DAPK1: variants seen among roughly 807,000 people sequenced by gnomAD.
DAPK1 encodes death associated protein kinase 1.
A neutral mutation model predicts 144.9 loss-of-function variants in DAPK1; 56 were observed. The ratio of observed to expected loss-of-function variants is 0.39; its 90% CI spans 0.31 to 0.48. The LOEUF is 0.48. Ranked by LOEUF, DAPK1 falls within the 20% of genes least tolerant of loss-of-function variation. DAPK1 has a pLI of 0.95. For synonymous variants in DAPK1, 690 were observed against 749.0 expected (o/e 0.92, Z 1.29); for missense variants, 1,454 against 1,875.4 (o/e 0.78, Z 4.15).
At chr9:87,635,257 G>A (rs974759771) in intron 3 of DAPK1, among the ~76,000 whole-genome samples, 7 of 152,094 alleles carry the variant, frequency 4.6e-5, no homozygotes, top group Admixed American at 4.6e-4. Context: ...TGGAGTCCCT[G>A]GAAAGGACTC....
chr9:87,622,635 G>GT (rs1203824711), intron 3 of DAPK1, among the ~76,000 whole-genome samples: 1 of 152,136 alleles, frequency 6.6e-6, no homozygotes, highest in Non-Finnish European at 1.5e-5. Context: ...AATAGGCTGG[G>GT]TGCTGTAGCT....
intron 3 of DAPK1, among the ~76,000 whole-genome samples, chr9:87,637,639 G>T (rs1425320059): frequency 6.6e-6 from 1 of 152,124 alleles, no homozygotes; most frequent in East Asian, 1.9e-4. Context: ...CTCTAAGTAT[G>T]TTTAATTAAA....
At chr9:87,546,573 C>T (rs1587706005) in intron 2 of DAPK1, among the ~76,000 whole-genome samples, 2 of 152,070 alleles carry the variant, frequency 1.3e-5, no homozygotes, top group South Asian at 4.2e-4. Flanking sequence ...GGCAGTGCCT[C>T]CAGGGTCAAC....
intron 17 of DAPK1, 86 bp from the exon 18 acceptor site, chr9:87,657,943 C>G (rs538871587): frequency 1.8e-4 from 130 of 719,040 alleles, no homozygotes; most frequent in Non-Finnish European, 3.1e-4. Context: ...GGGCCCTGAC[C>G]CCTTCCTTAA....
intron 20 of DAPK1, among the ~76,000 whole-genome samples, chr9:87,684,742 A>G (rs1824778977): frequency 6.6e-6 from 1 of 151,868 alleles, no homozygotes; most frequent in African/African-American, 2.4e-5. Context: ...GTGACCAGGT[A>G]AAGTGGGTCT....
At chr9:87,695,302 T>A (rs1287534617) in intron 21 of DAPK1, among the ~76,000 whole-genome samples, 2 of 152,150 alleles carry the variant, frequency 1.3e-5, no homozygotes, top group Non-Finnish European at 2.9e-5. Flanking sequence ...TCAGAGTGCA[T>A]CTTGACTGCA....
intron 19 of DAPK1, among the ~76,000 whole-genome samples, chr9:87,676,292 A>G (rs1185281398): frequency 6.6e-6 from 1 of 152,198 alleles, no homozygotes; most frequent in East Asian, 1.9e-4. Flanking sequence ...CAAATAAATC[A>G]GTCTTCCTAG....
intron 3 of DAPK1, among the ~76,000 whole-genome samples, chr9:87,627,876 T>C (rs1417575594): frequency 6.6e-6 from 1 of 152,196 alleles, no homozygotes; most frequent in African/African-American, 2.4e-5. Context: ...TATTGCACCG[T>C]TGCCATGTGC....
chr9:87,600,912 G>A (rs1828493738), intron 2 of DAPK1, among the ~76,000 whole-genome samples: 1 of 152,216 alleles, frequency 6.6e-6, no homozygotes, highest in Admixed American at 6.5e-5. Context: ...CATTCGCTTT[G>A]CTCCCTGGTC....
chr9:87,546,898 T>A (rs1826271201), intron 2 of DAPK1, among the ~76,000 whole-genome samples: 1 of 152,106 alleles, frequency 6.6e-6, no homozygotes, highest in Non-Finnish European at 1.5e-5. Flanking sequence ...GACTCATGCC[T>A]GTAGTCCCAG....
At position 87,498,109 on chromosome 9, in the gene DAPK1, T is replaced by TC; in HGVS notation, c.-109+2_-109+3insC. The TC allele has an allele frequency of 2.5e-6, 1 of 393,862 alleles. No individual in the cohort carries two copies. 24.4% of individuals were successfully genotyped at this position (393,862 alleles called of 1,614,324 possible). On this transcript the variant is annotated splice_region_variant and intron_variant, in intron 1 of 25. Transcript: ENST00000408954. ...CCGGGGGAGCTCCCAGGCGCCCGGG[T>TC]GAGTAGCCAGGCGCGGCTCCCCGGT...
At chr9:87,614,587 C>T (rs1170644323) in intron 3 of DAPK1, among the ~76,000 whole-genome samples, 2 of 152,140 alleles carry the variant, frequency 1.3e-5, no homozygotes, top group Non-Finnish European at 2.9e-5. Context: ...TCTTCTTCTT[C>T]CTGTTTTGGC....
chr9:87,596,129 T>C (rs1191684055), intron 2 of DAPK1, among the ~76,000 whole-genome samples: 1 of 152,146 alleles, frequency 6.6e-6, no homozygotes, highest in Non-Finnish European at 1.5e-5. Flanking sequence ...AGTACTGAGT[T>C]CCCATACAGG....
intron 23 of DAPK1, among the ~76,000 whole-genome samples, chr9:87,699,291 T>C (rs898763426): frequency 6.6e-6 from 1 of 152,192 alleles, no homozygotes; most frequent in South Asian, 2.1e-4. Flanking sequence ...GTGACTTCTT[T>C]TAGCTGTTTA....
At chr9:87,623,701 A>G (rs968965377) in intron 3 of DAPK1, among the ~76,000 whole-genome samples, 4 of 152,070 alleles carry the variant, frequency 2.6e-5, no homozygotes, top group Non-Finnish European at 5.9e-5. Flanking sequence ...TGGGTTCCTG[A>G]GAGGAAGGGA....
intron 2 of DAPK1, among the ~76,000 whole-genome samples, chr9:87,508,000 T>C (rs1824672867): frequency 6.6e-6 from 1 of 152,224 alleles, no homozygotes; most frequent in African/African-American, 2.4e-5. Context: ...GCTTTTACTT[T>C]TGAAACTGTA....
chr9:87,649,280 C>T (rs968523988), intron 15 of DAPK1, among the ~76,000 whole-genome samples: 1 of 152,188 alleles, frequency 6.6e-6, no homozygotes, highest in Admixed American at 6.5e-5. Context: ...TAACCACCGC[C>T]GCACTAGGAT....
intron 2 of DAPK1, among the ~76,000 whole-genome samples, chr9:87,547,806 TCCCA>T (rs1247194088): frequency 2.6e-5 from 4 of 152,108 alleles, no homozygotes; most frequent in Non-Finnish European, 5.9e-5. Flanking sequence ...GATAGGATGA[TCCCA>T]CCCACCCCTA....
chr9:87,606,248 C>A (rs1030407331), intron 3 of DAPK1, among the ~76,000 whole-genome samples: 1 of 152,162 alleles, frequency 6.6e-6, no homozygotes, highest in Non-Finnish European at 1.5e-5. Flanking sequence ...CTTTGCAATC[C>A]CAGGTGCCTG....
Sources: allele counts gnomAD v4.1 joint callset (sites outside exome capture counted in the v4.1 genomes callset), GRCh38; gene constraint gnomAD v4.1.1; transcripts MANE v1.5; gene names NCBI Gene and HGNC (gene_info 2026-07-23, HGNC 2026-07-21).